Variants in TPD52L1 observed in about 807,000 individuals in gnomAD.
The protein encoded by TPD52L1 is TPD52 like 1.
In TPD52L1, 18 loss-of-function variants were observed where a neutral mutation model predicts 28.7. The ratio of observed to expected loss-of-function variants is 0.63; its 90% CI spans 0.43 to 0.93. The LOEUF is 0.93. TPD52L1 is among the 40% of genes least tolerant of loss of function. TPD52L1 has a pLI of 0.00. For missense variants in TPD52L1, 203 were observed against 254.8 expected (o/e 0.80, Z 1.39); for synonymous variants, 75 against 88.8 (o/e 0.84, Z 0.88).
intron 1 of TPD52L1, chr6:125,154,335 G>C: frequency 9.4e-7 from 1 of 1,064,084 alleles, no homozygotes; most frequent in Non-Finnish European, 1.1e-6. Flanking sequence ...TTCCCTTGAG[G>C]GAGTGGGGAG....
chr6:125,182,021 C>T (rs375463827), intron 1 of TPD52L1, among the ~76,000 whole-genome samples: 1 of 152,152 alleles, frequency 6.6e-6, no homozygotes, highest in East Asian at 1.9e-4. Context: ...GGCTTCCCCT[C>T]GGATACCTCT....
rs544349241 is a variant in TPD52L1, at chr6:125,213,865, G to T, written c.20-6213G>T. Among the ~76,000 whole-genome samples the T allele has an allele frequency of 3.9e-5, 6 of 152,292 alleles. No homozygotes were observed. In the South Asian group the frequency reaches 1.2e-3, roughly 32 times the overall value. On this transcript the variant is annotated intron_variant, in intron 1 of 6. Coordinates refer to ENST00000534000, the MANE Select transcript of TPD52L1 (RefSeq NM_003287.4). Reference sequence around the variant, plus strand: ...TTCAAGGACCAGGAAAGATGTAAATGGGTGGCATGCCCAAAAGGGATGCCT... The same window carrying T: ...TTCAAGGACCAGGAAAGATGTAAATTGGTGGCATGCCCAAAAGGGATGCCT...
chr6:125,194,902 A>G (rs1793312903), intron 1 of TPD52L1, among the ~76,000 whole-genome samples: 1 of 152,258 alleles, frequency 6.6e-6, no homozygotes, highest in Non-Finnish European at 1.5e-5. Flanking sequence ...GAGTTTATTC[A>G]AGGGCAAAGT....
At chr6:125,172,153 TTTCTTTTCTTTCTTTCTTTCTTTCTTTC>T (rs1791415993) in intron 1 of TPD52L1, among the ~76,000 whole-genome samples, 1 of 58,928 alleles carries the variant, frequency 1.7e-5, no homozygotes, top group Admixed American at 1.6e-4. Flanking sequence ...TCTTTCTTTC[TTTCTTTTCTTTCTTTCTTTCTTTCTTTC>T]TTTCTTTCTT....
chr6:125,258,407 C>G (rs1270043867), intron 6 of TPD52L1, among the ~76,000 whole-genome samples: 1 of 151,962 alleles, frequency 6.6e-6, no homozygotes, highest in Non-Finnish European at 1.5e-5. Context: ...GAAGAGCATC[C>G]AATGTTGTGA....
chr6:125,172,537 T>TACACACACACATAC (rs1376195950), intron 1 of TPD52L1, among the ~76,000 whole-genome samples: 2 of 88,866 alleles, frequency 2.3e-5, no homozygotes, highest in East Asian at 1.2e-3. Context: ...TATATATATA[T>TACACACACACATAC]ATATATATAT....
intron 4 of TPD52L1, among the ~76,000 whole-genome samples, chr6:125,250,451 C>A (rs1222318734): frequency 6.6e-6 from 1 of 152,170 alleles, no homozygotes; most frequent in African/African-American, 2.4e-5. Context: ...ATAAGAATAA[C>A]AATGTCACTG....
At chr6:125,251,791 C>A (rs1797278828) in intron 4 of TPD52L1, among the ~76,000 whole-genome samples, 1 of 152,232 alleles carries the variant, frequency 6.6e-6, no homozygotes, top group South Asian at 2.1e-4. Flanking sequence ...CATTTTATTA[C>A]AGTCCAATCA....
At chr6:125,200,048 A>G (rs1036776574) in intron 1 of TPD52L1, among the ~76,000 whole-genome samples, 2 of 152,214 alleles carry the variant, frequency 1.3e-5, no homozygotes, top group Admixed American at 1.3e-4. Context: ...TAAAAAGGGA[A>G]CATGCATTTT....
intron 3 of TPD52L1, among the ~76,000 whole-genome samples, chr6:125,235,432 AAAT>A (rs1364556995): frequency 6.6e-6 from 1 of 152,166 alleles, no homozygotes; most frequent in African/African-American, 2.4e-5. Flanking sequence ...CAAAAAATAA[AAAT>A]AAAAACTCAT....
At chr6:125,234,663 A>G (rs1373563645) in intron 3 of TPD52L1, among the ~76,000 whole-genome samples, 1 of 152,196 alleles carries the variant, frequency 6.6e-6, no homozygotes, top group Non-Finnish European at 1.5e-5. Flanking sequence ...AAGATTGTCA[A>G]GTCAATCAAG....
At chr6:125,192,549 G>A (rs2114863733) in intron 1 of TPD52L1, among the ~76,000 whole-genome samples, 1 of 150,978 alleles carries the variant, frequency 6.6e-6, no homozygotes, top group South Asian at 2.1e-4. Context: ...AAGTCCTGAG[G>A]CAGGAAGTAG....
At chr6:125,203,088 A>G (rs1341517471) in intron 1 of TPD52L1, among the ~76,000 whole-genome samples, 1 of 152,126 alleles carries the variant, frequency 6.6e-6, no homozygotes, top group Non-Finnish European at 1.5e-5. Context: ...GTGAATTTGA[A>G]TATGTGTTTG....
chr6:125,253,620 T>A (rs1275828791), intron 4 of TPD52L1, 97 bp from the exon 5 acceptor site: 4 of 1,086,408 alleles, frequency 3.7e-6, no homozygotes, highest in East Asian at 4.7e-5. Context: ...ATATTTGGAA[T>A]TGCTGTTTTA....
intron 1 of TPD52L1, among the ~76,000 whole-genome samples, chr6:125,176,449 A>G (rs1190142545): frequency 1.3e-5 from 2 of 152,196 alleles, no homozygotes; most frequent in African/African-American, 4.8e-5. Flanking sequence ...TGGCCTTTCA[A>G]TGGAGAGTAT....
At chr6:125,241,510 C>CAGAGTTTCTAT (rs1477274453) in intron 3 of TPD52L1, among the ~76,000 whole-genome samples, 1 of 151,890 alleles carries the variant, frequency 6.6e-6, no homozygotes, top group Non-Finnish European at 1.5e-5. Context: ...TATTATTGGT[C>CAGAGTTTCTAT]TGTTCAGAGT....
intron 3 of TPD52L1, among the ~76,000 whole-genome samples, chr6:125,247,647 A>T (rs1261433449): frequency 6.6e-6 from 1 of 152,210 alleles, no homozygotes; most frequent in Non-Finnish European, 1.5e-5. Context: ...GGACACAAAG[A>T]TGAATGGCTT....
rs1798171787 is a variant in TPD52L1, at chr6:125,263,494, A to G, written c.*532A>G. The G allele has an allele frequency of 1.3e-5, 2 of 152,280 alleles. No homozygotes were observed. Among genetic ancestry groups the G allele is most frequent in the Non-Finnish European group, 1.5e-5 (1 of 68,092 alleles). 9.4% of individuals were successfully genotyped at this position (152,280 alleles called of 1,614,324 possible). ...TCAGCAATTAAAAGAATTGATTTTA[A>G]TGACTTTGAATTCTTAATTTCTTTG... is the stretch of plus-strand genomic sequence containing the variant. On this transcript the variant is annotated 3_prime_UTR_variant, in exon 7 of 7. Coordinates refer to ENST00000534000, the MANE Select transcript of TPD52L1 (RefSeq NM_003287.4).
chr6:125,188,952 T>C (rs1299869527), intron 1 of TPD52L1, among the ~76,000 whole-genome samples: 1 of 152,256 alleles, frequency 6.6e-6, no homozygotes, highest in Non-Finnish European at 1.5e-5. Flanking sequence ...AAGTTTACCT[T>C]GGGCCAAAGC....
Sources: gnomAD v4.1 joint callset for allele counts (sites outside exome capture counted in the v4.1 genomes callset) on GRCh38, gnomAD v4.1.1 for gene constraint, MANE v1.5 for transcripts, NCBI Gene and HGNC (gene_info 2026-07-23, HGNC 2026-07-21) for gene names.